Variants in ELP4 observed in about 807,000 individuals in gnomAD.
The protein encoded by ELP4 is elongator acetyltransferase complex subunit 4, also known as elongator complex protein 4.
ELP4 carries 51 observed loss-of-function variants against 48.9 expected under a neutral mutation model. The observed-to-expected ratio is 1.04, with a 90% CI of 0.83 to 1.32. ELP4 has a LOEUF of 1.32. Ranked by LOEUF, ELP4 falls within the 40% of genes most tolerant of loss-of-function variation. The pLI is 0.00. For missense variants in ELP4, 519 were observed against 514.6 expected, an observed-to-expected ratio of 1.01 and a Z score of -0.08; for synonymous variants, 210 against 189.2, an observed-to-expected ratio of 1.11 and a Z score of -0.90.
At chr11:31,607,508 A>G (rs1957898331) in intron 5 of ELP4, among the ~76,000 whole-genome samples, 1 of 152,176 alleles carries the variant, frequency 6.6e-6, no homozygotes, top group Non-Finnish European at 1.5e-5. Flanking sequence ...TGCTGTGTGA[A>G]GCCTTCTATA....
chr11:31,546,459 A>G (rs1161518651), intron 3 of ELP4, among the ~76,000 whole-genome samples: 1 of 152,270 alleles, frequency 6.6e-6, no homozygotes, highest in Non-Finnish European at 1.5e-5. Context: ...TATGCACCCA[A>G]TACAGGAGCA....
intron 9 of ELP4, among the ~76,000 whole-genome samples, chr11:31,699,971 G>C (rs1169333954): frequency 6.6e-6 from 1 of 152,122 alleles, no homozygotes; most frequent in Non-Finnish European, 1.5e-5. Context: ...TATGGGAGGA[G>C]AATGAATGTC....
At chr11:31,720,980 C>G (rs113256791) in intron 9 of ELP4, among the ~76,000 whole-genome samples, 17 of 152,166 alleles carry the variant, frequency 1.1e-4, no homozygotes, top group Non-Finnish European at 2.5e-4. Flanking sequence ...TCTGCCCCAT[C>G]GGTCAAAATT....
chr11:31,643,573 T>TA (rs1218283285), intron 7 of ELP4, among the ~76,000 whole-genome samples: 1 of 151,910 alleles, frequency 6.6e-6, no homozygotes, highest in Non-Finnish European at 1.5e-5. Context: ...TCTAAGTAGA[T>TA]ATCTGAACCA....
At chr11:31,563,360 A>G (rs1049733823) in intron 3 of ELP4, among the ~76,000 whole-genome samples, 4 of 152,146 alleles carry the variant, frequency 2.6e-5, no homozygotes, top group African/African-American at 4.8e-5. Context: ...AGAGAACATA[A>G]AAAGTGAGAA....
Position 31,569,090 on chromosome 11 carries a change from A to T in ELP4, c.382-25680A>T, listed in dbSNP as rs191386308. 7.2e-3 allele frequency among the ~76,000 whole-genome samples: 1,090 copies of T among 152,124 alleles called. 14 individuals are homozygous for T. The highest frequency in any genetic ancestry group is 0.024 in the African/African-American group (984 of 41,510). On this transcript the variant is annotated intron_variant, in intron 3 of 9. Transcript: ENST00000640961. ...ACAGAGTGAGACCCCATCTCAAAAA[A>T]AAAAATAAAAAAAAGGAAAGAAAAA...
At chr11:31,542,888 A>G (rs1956615731) in intron 3 of ELP4, among the ~76,000 whole-genome samples, 2 of 152,256 alleles carry the variant, frequency 1.3e-5, no homozygotes, top group South Asian at 2.1e-4. Context: ...TATTACAAGT[A>G]TATTATAAAT....
intron 5 of ELP4, among the ~76,000 whole-genome samples, chr11:31,615,036 C>T (rs1958051138): frequency 6.6e-6 from 1 of 152,086 alleles, no homozygotes; most frequent in East Asian, 1.9e-4. Context: ...TATGCCAGGT[C>T]AGATGGTTGT....
At chr11:31,669,592 T>G (rs1945762926) in intron 9 of ELP4, among the ~76,000 whole-genome samples, 1 of 152,234 alleles carries the variant, frequency 6.6e-6, no homozygotes, top group African/African-American at 2.4e-5. Context: ...GTTTCTTTGA[T>G]GTCTGTCTTC....
intron 2 of ELP4, among the ~76,000 whole-genome samples, chr11:31,536,665 T>C (rs1485475781): frequency 1.3e-5 from 2 of 152,236 alleles, no homozygotes; most frequent in Non-Finnish European, 2.9e-5. Flanking sequence ...CAAACTGTTT[T>C]CTAATGTAGT....
chr11:31,782,792 C>T (rs1030649153), intron 9 of ELP4, among the ~76,000 whole-genome samples: 5 of 152,208 alleles, frequency 3.3e-5, no homozygotes, highest in Non-Finnish European at 7.4e-5. Flanking sequence ...CTGTGGCTGA[C>T]TTACCTGAAC....
In ELP4 at chr11:31,785,320, A is replaced by G. The variant is rs1048778741; in HGVS notation, c.*1796A>G. 1 of 183,034 alleles carries G rather than the reference A, an allele frequency of 5.5e-6. No homozygotes were observed. Among genetic ancestry groups the G allele is most frequent in the African/African-American group, 2.3e-5 (1 of 42,578 alleles). 11.3% of individuals were successfully genotyped at this position (183,034 alleles called of 1,614,324 possible). ...GTTGATTCATTTTATACAACACACAATGGAACAATTACATAGCATTTGACT... is the reference window on the plus strand; with the variant it reads ...GTTGATTCATTTTATACAACACACAGTGGAACAATTACATAGCATTTGACT... On this transcript the variant is annotated 3_prime_UTR_variant, in exon 10 of 10. Transcript: ENST00000640961.
At chr11:31,697,219 T>C (rs1471829241) in intron 9 of ELP4, among the ~76,000 whole-genome samples, 1 of 152,200 alleles carries the variant, frequency 6.6e-6, no homozygotes, top group African/African-American at 2.4e-5. Flanking sequence ...TGGTTTCTTA[T>C]TGAGCAGCTG....
chr11:31,570,886 A>G (rs905403152), intron 3 of ELP4, among the ~76,000 whole-genome samples: 3 of 128,242 alleles, frequency 2.3e-5, no homozygotes, highest in African/African-American at 9.3e-5. Flanking sequence ...TGCAACCTCC[A>G]CTTCCTGGGT....
intron 9 of ELP4, among the ~76,000 whole-genome samples, chr11:31,768,182 G>C: frequency 1.3e-5 from 2 of 152,024 alleles, no homozygotes; most frequent in South Asian, 4.2e-4. Flanking sequence ...ATAATTAAAA[G>C]ATATTAAAGT....
intron 2 of ELP4, among the ~76,000 whole-genome samples, chr11:31,530,451 G>A (rs944519732): frequency 9.2e-5 from 14 of 152,162 alleles, no homozygotes; most frequent in Middle Eastern, 3.4e-3. Flanking sequence ...GGGAGGGAGT[G>A]TACAGTAGTT....
At chr11:31,517,721 A>G (rs1046870713) in intron 1 of ELP4, among the ~76,000 whole-genome samples, 36 of 151,942 alleles carry the variant, frequency 2.4e-4, no homozygotes, top group Non-Finnish European at 4.7e-4. Context: ...GGTTCAAGCA[A>G]TTCTCCTGCC....
At chr11:31,559,536 T>C (rs925417105) in intron 3 of ELP4, among the ~76,000 whole-genome samples, 1 of 152,220 alleles carries the variant, frequency 6.6e-6, no homozygotes, top group African/African-American at 2.4e-5. Context: ...TATAGGCTGC[T>C]GTAGAATTAA....
intron 9 of ELP4, among the ~76,000 whole-genome samples, chr11:31,686,311 C>T (rs1362408897): frequency 6.8e-6 from 1 of 147,044 alleles, no homozygotes; most frequent in Non-Finnish European, 1.5e-5. Context: ...TCTGATTTTT[C>T]ATGATCTTGT....
Sources: allele counts gnomAD v4.1 joint callset (sites outside exome capture counted in the v4.1 genomes callset), GRCh38; gene constraint gnomAD v4.1.1; transcripts MANE v1.5; gene names NCBI Gene and HGNC (gene_info 2026-07-23, HGNC 2026-07-21).